The following MEF2C variants were observed in gnomAD, a reference collection of about 807,000 sequenced individuals.
MEF2C encodes the protein myocyte enhancer factor 2C.
Under a neutral mutation model 50.5 loss-of-function variants are expected in MEF2C, and 6 were observed. The ratio of observed to expected loss-of-function variants is 0.12; its 90% CI spans 0.07 to 0.23. The LOEUF is 0.23. MEF2C is among the 10% of genes least tolerant of loss of function. The pLI, the probability that MEF2C is intolerant of heterozygous loss-of-function variation, is 1.00. For synonymous variants in MEF2C, 183 were observed against 228.0 expected (o/e 0.80, Z 1.78); for missense variants, 276 against 605.0 (o/e 0.46, Z 5.70).
Position 88,801,892 on chromosome 5 carries a change from T to C in MEF2C, c.258+2706A>G, listed in dbSNP as rs889711193. Among the ~76,000 whole-genome samples, 5 of 152,322 alleles carry C rather than the reference T, an allele frequency of 3.3e-5. No individual in the cohort carries two copies. The East Asian group carries it at 9.7e-4, about 29-fold the overall frequency. ...ATGCAGCACTTTGAAAAATATTCCATGTGAAGATGATGTAAATTTTATCAA... is the reference window on the plus strand; with the variant it reads ...ATGCAGCACTTTGAAAAATATTCCACGTGAAGATGATGTAAATTTTATCAA... On this transcript the variant is annotated intron_variant, in intron 3 of 10. Transcript: ENST00000504921.
chr5:88,900,526 C>T (rs530581516), intron 1 of MEF2C, among the ~76,000 whole-genome samples: 12 of 151,488 alleles, frequency 7.9e-5, no homozygotes, highest in African/African-American at 2.9e-4. Flanking sequence ...ATAAATATTT[C>T]CAGTTTGGAA....
intron 3 of MEF2C, among the ~76,000 whole-genome samples, chr5:88,763,813 C>G (rs2152702014): frequency 6.6e-6 from 1 of 152,108 alleles, no homozygotes; most frequent in South Asian, 2.1e-4. Flanking sequence ...TGCCACCACA[C>G]CTGGTTAAAA....
rs188663994 is a variant in MEF2C, at chr5:88,813,509, C to T, written c.55-8708G>A. Among the ~76,000 whole-genome samples the T allele has an allele frequency of 8.0e-5, 12 of 150,578 alleles. No individual in the cohort carries two copies. In the East Asian group the frequency reaches 2.1e-3, roughly 27 times the overall value. ...AAGTCACCTCAGAAGAACTTTCCTG[C>T]CATTTTAACTGTGGTAACTGTTCTT... On this transcript the variant is annotated intron_variant, in intron 2 of 10. Coordinates refer to ENST00000504921, the MANE Select transcript of MEF2C (RefSeq NM_002397.5).
chr5:88,751,415 A>AT (rs1772676756), intron 5 of MEF2C: 1 of 985,104 alleles, frequency 1.0e-6, no homozygotes, highest in Non-Finnish European at 1.2e-6. Flanking sequence ...TACTGTATAA[A>AT]TAAAAAAAAA....
chr5:88,806,875 T>G (rs1257556619), intron 2 of MEF2C, among the ~76,000 whole-genome samples: 1 of 152,126 alleles, frequency 6.6e-6, no homozygotes, highest in Non-Finnish European at 1.5e-5. Context: ...CCGTTTTTAT[T>G]TTGCTCACTA....
At chr5:88,757,217 A>G (rs899424921) in intron 4 of MEF2C, among the ~76,000 whole-genome samples, 1 of 152,200 alleles carries the variant, frequency 6.6e-6, no homozygotes, top group Non-Finnish European at 1.5e-5. Flanking sequence ...TCCAAAACCC[A>G]CTATTTTCCC....
chr5:88,765,473 G>A (rs758274484), intron 3 of MEF2C, among the ~76,000 whole-genome samples: 1 of 152,184 alleles, frequency 6.6e-6, no homozygotes, highest in African/African-American at 2.4e-5. Context: ...AAAATCTACA[G>A]CTGTTTAATG....
At chr5:88,810,964 A>G (rs965388403) in intron 2 of MEF2C, among the ~76,000 whole-genome samples, 1 of 152,142 alleles carries the variant, frequency 6.6e-6, no homozygotes, top group African/African-American at 2.4e-5. Flanking sequence ...TCATATTTTT[A>G]AAAAACAATT....
chr5:88,852,911 T>C (rs1371206469), intron 1 of MEF2C, among the ~76,000 whole-genome samples: 1 of 148,504 alleles, frequency 6.7e-6, no homozygotes, highest in Non-Finnish European at 1.5e-5. Context: ...CAAGACTCTG[T>C]CTCAAAAAAA....
intron 3 of MEF2C, among the ~76,000 whole-genome samples, chr5:88,787,540 A>C (rs1450228465): frequency 6.6e-6 from 1 of 152,210 alleles, no homozygotes; most frequent in East Asian, 1.9e-4. Flanking sequence ...CTGAATTTTT[A>C]ATCTCCATCT....
intron 6 of MEF2C, chr5:88,742,402 T>C: frequency 1.0e-6 from 1 of 984,338 alleles, no homozygotes; most frequent in South Asian, 4.7e-5. Flanking sequence ...ACGGCTTGAA[T>C]TTAATATTAA....
In MEF2C at chr5:88,780,878, T is replaced by C. The variant is rs894120957; in HGVS notation, c.259-19550A>G. 3.0e-6 allele frequency: 3 copies of C among 985,172 alleles called. 1 individual carries two copies. Among genetic ancestry groups the C allele is most frequent in the South Asian group, 9.4e-5 (2 of 21,286 alleles). 61.0% of individuals were successfully genotyped at this position (985,172 alleles called of 1,614,324 possible). On this transcript the variant is annotated intron_variant, in intron 3 of 10. Coordinates refer to ENST00000504921, the MANE Select transcript of MEF2C (RefSeq NM_002397.5). ...CTACATCTCTCTCGTTCTTTCACTT[T>C]CTCTCTCATTGTCTAACTCCTCTTC...
intron 6 of MEF2C, chr5:88,740,169 G>A (rs1476871145): frequency 1.0e-6 from 1 of 984,580 alleles, no homozygotes; most frequent in Non-Finnish European, 1.2e-6. Context: ...AGAGCTTCAG[G>A]AATTTCATAT....
chr5:88,776,368 CTTAG>C (rs1386684997), intron 3 of MEF2C, among the ~76,000 whole-genome samples: 18 of 152,172 alleles, frequency 1.2e-4, no homozygotes, highest in South Asian at 4.1e-4. Context: ...AATTTATTCT[CTTAG>C]TTATTTTGAA....
intron 6 of MEF2C, among the ~76,000 whole-genome samples, chr5:88,744,332 T>C (rs947279376): frequency 6.6e-6 from 1 of 152,324 alleles, no homozygotes; most frequent in South Asian, 2.1e-4. Flanking sequence ...GGTGGGCGGA[T>C]TGCCTGAGCT....
chr5:88,813,449 C>A (rs930808803), intron 2 of MEF2C, among the ~76,000 whole-genome samples: 18 of 151,850 alleles, frequency 1.2e-4, no homozygotes, highest in African/African-American at 4.1e-4. Context: ...ACGCCTGCCC[C>A]CTCCCTCACC....
At chr5:88,814,622 T>G (rs1304336084) in intron 2 of MEF2C, among the ~76,000 whole-genome samples, 2 of 152,000 alleles carry the variant, frequency 1.3e-5, no homozygotes, top group African/African-American at 4.8e-5. Context: ...AATAAGGGGC[T>G]TAGAGTGTGG....
At chr5:88,810,851 C>A (rs1802474775) in intron 2 of MEF2C, among the ~76,000 whole-genome samples, 1 of 151,982 alleles carries the variant, frequency 6.6e-6, no homozygotes, top group Non-Finnish European at 1.5e-5. Context: ...TTGAGCAAAC[C>A]CAGTAGGTGA....
intron 6 of MEF2C, chr5:88,743,781 T>C: frequency 1.0e-6 from 1 of 985,366 alleles, no homozygotes; most frequent in Non-Finnish European, 1.2e-6. Context: ...CTGACATAAA[T>C]TAAGCATTCC....
Sources: allele counts gnomAD v4.1 joint callset (sites outside exome capture counted in the v4.1 genomes callset), GRCh38; gene constraint gnomAD v4.1.1; transcripts MANE v1.5; gene names NCBI Gene and HGNC (gene_info 2026-07-23, HGNC 2026-07-21).